The following SNED1 variants were observed in gnomAD, a reference collection of about 807,000 sequenced individuals.
SNED1 encodes sushi, nidogen and EGF like domains 1.
A neutral mutation model predicts 166.7 loss-of-function variants in SNED1; 81 were observed. That is an observed-to-expected ratio of 0.49 (90% CI 0.41 to 0.58). The LOEUF is 0.58. Among genes scored for constraint, SNED1 ranks in the 20% least tolerant of loss-of-function variants. The pLI, the probability that SNED1 is intolerant of heterozygous loss-of-function variation, is 0.00. For missense variants in SNED1, 1,604 were observed against 2,000.2 expected (o/e 0.80, Z 3.78); for synonymous variants, 762 against 822.0 (o/e 0.93, Z 1.25).
intron 16 of SNED1, 43 bp downstream of exon 16, chr2:241,053,369 C>G: frequency 6.6e-7 from 1 of 1,511,726 alleles, no homozygotes; most frequent in Non-Finnish European, 8.9e-7. Flanking sequence ...GGGGCCCACA[C>G]CCTCCTCATC....
Position 241,064,953 on chromosome 2 carries a change from C to G in SNED1, c.2709C>G (p.Ala903=), listed in dbSNP as rs1216132317. ...TGGGCTACACGGGCGAGGACTGCGC[C>G]AAAGGTGGGTGGCGAGGGCGCCTCC... ...CKVGYTGEDC[A]KELFPPTALK... Residue 903 remains alanine, a synonymous_variant, in exon 20 of 32, where the codon GCC becomes GCG. Coordinates refer to ENST00000310397, the MANE Select transcript of SNED1 (RefSeq NM_001080437.3). The surrounding 1 kb of genome is among the most constrained non-coding windows in gnomAD (Gnocchi z 7.0). The G allele has an allele frequency of 1.3e-6, 2 of 1,579,920 alleles. No individual in the cohort carries two copies. Among genetic ancestry groups the G allele is most frequent in the Admixed American group, 3.8e-5 (2 of 52,450 alleles).
Position 241,051,623 on chromosome 2 carries a change from A to T in SNED1, c.1736-121A>T. 1 of 781,358 alleles carries T rather than the reference A, an allele frequency of 1.3e-6. No homozygotes were observed. The highest frequency in any genetic ancestry group is 1.9e-6 in the Non-Finnish European group (1 of 517,362). 48.4% of individuals were successfully genotyped at this position (781,358 alleles called of 1,614,324 possible). Reference sequence around the variant, plus strand: ...TTGGCCCCTGCTGCAGCCAGGCCCCAGGGCTTCGTCGAGAAGGCCCCACCA... The same window carrying T: ...TTGGCCCCTGCTGCAGCCAGGCCCCTGGGCTTCGTCGAGAAGGCCCCACCA... On this transcript the variant is annotated intron_variant, in intron 12 of 31. Transcript: ENST00000310397. This position sits in a 1 kb window ranked among gnomAD's most constrained non-coding sequence, Gnocchi z 4.7.
chr2:241,049,596 G>A (rs1327152516), intron 11 of SNED1, among the ~76,000 whole-genome samples: 2 of 152,168 alleles, frequency 1.3e-5, no homozygotes, highest in Non-Finnish European at 2.9e-5. Flanking sequence ...CGTAGAAGAC[G>A]GAAGGGTGAA....
intron 24 of SNED1, 45 bp from the exon 25 acceptor site, chr2:241,071,531 A>AGG (rs756979829): frequency 9.6e-6 from 15 of 1,556,222 alleles, no homozygotes; most frequent in Non-Finnish European, 1.3e-5. Flanking sequence ...GGACAGGAGC[A>AGG]GAGGGCAGCC....
intron 2 of SNED1, among the ~76,000 whole-genome samples, chr2:241,032,522 C>A (rs538912733): frequency 6.6e-6 from 1 of 151,902 alleles, no homozygotes; most frequent in Non-Finnish European, 1.5e-5. Flanking sequence ...CATTAGGAGA[C>A]ACACCTAATG....
chr2:241,003,592 C>T (rs1372283036), intron 1 of SNED1, among the ~76,000 whole-genome samples: 3 of 152,220 alleles, frequency 2.0e-5, no homozygotes, highest in Non-Finnish European at 4.4e-5. Context: ...ACACTTCAGC[C>T]TCAGCCCACA....
chr2:241,055,504 C>A (rs2062015671), intron 16 of SNED1, among the ~76,000 whole-genome samples: 2 of 152,084 alleles, frequency 1.3e-5, no homozygotes, highest in South Asian at 4.2e-4. Context: ...AGGGTGTAGA[C>A]AGTCACAGAA....
Position 241,062,806 on chromosome 2 carries a change from G to T in SNED1, c.2273G>T (p.Arg758Leu), listed in dbSNP as rs538079685. The T allele has an allele frequency of 3.1e-6, 5 of 1,609,894 alleles. No homozygotes were observed. The Admixed American group carries it at 5.0e-5, about 16-fold the overall frequency. The change falls in exon 17 of 32, where the codon CGG (arginine) becomes CTG (leucine). Residue 758 changes from arginine (R) to leucine (L), a missense_variant. Around this residue, in one of 2 missense-constraint regions of SNED1, gnomAD observed 1,237 missense variants for 1,620.8 expected, o/e 0.76. Transcript: ENST00000310397. Reference sequence around the variant, plus strand: ...CTCCTCTCAGAAATCGATGAGTGCCGGTCTCAGCCGTGCCTGCATGGGGGC... The same window carrying T: ...CTCCTCTCAGAAATCGATGAGTGCCTGTCTCAGCCGTGCCTGCATGGGGGC... ...PPQCLEIDEC[R>L]SQPCLHGGSC...
intron 1 of SNED1, among the ~76,000 whole-genome samples, chr2:241,023,426 T>C (rs2124926821): frequency 6.6e-6 from 1 of 152,314 alleles, no homozygotes; most frequent in Non-Finnish European, 1.5e-5. Flanking sequence ...GAACAAGCTC[T>C]GTAAGGTTTG....
At chr2:241,028,301 G>A (rs558356299) in intron 1 of SNED1, among the ~76,000 whole-genome samples, 9 of 152,210 alleles carry the variant, frequency 5.9e-5, no homozygotes, top group East Asian at 1.9e-4. Context: ...CATGAAGTCC[G>A]ATTTGTCTGT....
At chr2:241,003,978 G>A (rs768637903) in intron 1 of SNED1, among the ~76,000 whole-genome samples, 9 of 152,254 alleles carry the variant, frequency 5.9e-5, no homozygotes, top group Non-Finnish European at 1.3e-4. Flanking sequence ...CTGGAATAGG[G>A]CTGGAAGCCC....
intron 1 of SNED1, among the ~76,000 whole-genome samples, chr2:241,001,173 C>T (rs2060067137): frequency 6.6e-6 from 1 of 152,264 alleles, no homozygotes; most frequent in Non-Finnish European, 1.5e-5. Context: ...CTCCAGCCCC[C>T]ATCCCACTGC....
In SNED1 at chr2:241,068,903, G is replaced by A; in HGVS notation, c.3195-8G>A. On this transcript the variant is annotated splice_region_variant and splice_polypyrimidine_tract_variant and intron_variant, in intron 22 of 31. Coordinates refer to ENST00000310397, the MANE Select transcript of SNED1 (RefSeq NM_001080437.3). This position sits in a 1 kb window ranked among gnomAD's most constrained non-coding sequence, Gnocchi z 5.3. ...CCCTGTTCTCTCTTTGTCACCTCCT[G>A]CCCACAGGGCCCTGCTGCCTGGGAA... 1 of 1,541,498 alleles carries A rather than the reference G, an allele frequency of 6.5e-7. No individual in the cohort carries two copies. Among genetic ancestry groups the A allele is most frequent in the Non-Finnish European group, 8.8e-7 (1 of 1,139,704 alleles).
intron 12 of SNED1, 52 bp downstream of exon 12, chr2:241,049,985 G>T: frequency 7.5e-7 from 1 of 1,327,864 alleles, no homozygotes; most frequent in Admixed American, 1.7e-5. Context: ...GAGAGCGCCC[G>T]CGGTCCGCCG....
chr2:241,076,166 C>A (rs2063010908), intron 27 of SNED1, among the ~76,000 whole-genome samples: 1 of 152,198 alleles, frequency 6.6e-6, no homozygotes, highest in Middle Eastern at 3.2e-3. Context: ...TAGTCACACT[C>A]TATGGAAAAG....
At chr2:241,050,529 A>C (rs1418009050) in intron 12 of SNED1, among the ~76,000 whole-genome samples, 1 of 152,136 alleles carries the variant, frequency 6.6e-6, no homozygotes, top group African/African-American at 2.4e-5. Flanking sequence ...GCACCCCCGC[A>C]GCCTGGACTG....
intron 5 of SNED1, 78 bp from the exon 6 acceptor site, chr2:241,037,162 C>A: frequency 1.6e-6 from 2 of 1,287,196 alleles, no homozygotes; most frequent in Non-Finnish European, 2.2e-6. Context: ...CCTCCGTCCC[C>A]GGCCCAACCC....
chr2:241,013,882 C>A lies in SNED1; in HGVS notation c.213+14832C>A, dbSNP rs1445614740. On this transcript the variant is annotated intron_variant, in intron 1 of 31. Coordinates refer to ENST00000310397, the MANE Select transcript of SNED1 (RefSeq NM_001080437.3). This position sits in a 1 kb window ranked among gnomAD's most constrained non-coding sequence, Gnocchi z 4.6. The stretch of plus-strand genomic sequence containing the variant: ...CTATATCTTGCTTATGGGAGTGCAG[C>A]TATTCTATGAGATACTGGTTTCATT... Among the ~76,000 whole-genome samples the A allele has an allele frequency of 6.6e-6, 1 of 152,158 alleles. No individual in the cohort carries two copies. Among genetic ancestry groups the A allele is most frequent in the Non-Finnish European group, 1.5e-5 (1 of 68,042 alleles).
intron 1 of SNED1, among the ~76,000 whole-genome samples, chr2:241,027,778 G>C (rs1428106875): frequency 6.7e-6 from 1 of 149,806 alleles, no homozygotes; most frequent in South Asian, 2.1e-4. Flanking sequence ...CTGTGACCCA[G>C]GCTGGAGTGC....
Sources: gnomAD v4.1 joint callset for allele counts (sites outside exome capture counted in the v4.1 genomes callset) on GRCh38, gnomAD v4.1.1 for gene constraint, gnomAD v4.1.1 regional missense constraint, Gnocchi (gnomAD v3.1) non-coding constraint, MANE v1.5 for transcripts, NCBI Gene and HGNC (gene_info 2026-07-23, HGNC 2026-07-21) for gene names.